PKD1L1: variants seen among roughly 807,000 people sequenced by gnomAD.
The protein encoded by PKD1L1 is polycystin 1 like 1, transient receptor potential channel interacting, also known as polycystin-1-like protein 1.
In PKD1L1, 236 loss-of-function variants were observed where a neutral mutation model predicts 323.4. That is an observed-to-expected ratio of 0.73 (90% CI 0.66 to 0.81). The LOEUF is 0.81. Ranked by LOEUF, PKD1L1 falls within the 40% of genes least tolerant of loss-of-function variation. PKD1L1 has a pLI of 0.00. For synonymous variants in PKD1L1, 1,344 were observed against 1,335.0 expected (o/e 1.01, Z -0.15); for missense variants, 3,320 against 3,508.0 (o/e 0.95, Z 1.35).
chr7:47,869,423 G>C (rs1786233288), intron 24 of PKD1L1, among the ~76,000 whole-genome samples: 1 of 152,120 alleles, frequency 6.6e-6, no homozygotes, highest in East Asian at 1.9e-4. Context: ...GATGGAAAGA[G>C]ACATGCAAAC....
chr7:47,918,657 G>A (rs1412338791), intron 7 of PKD1L1, among the ~76,000 whole-genome samples: 1 of 152,020 alleles, frequency 6.6e-6, no homozygotes, highest in African/African-American at 2.4e-5. Flanking sequence ...AATCAAAATT[G>A]TATCAAGCAC....
chr7:47,854,738 C>A (rs992717143), intron 30 of PKD1L1, 144 bp downstream of exon 30: 4 of 1,036,662 alleles, frequency 3.9e-6, no homozygotes, highest in Admixed American at 5.3e-5. Flanking sequence ...ATCCAAACAG[C>A]AGAATAGATA....
intron 25 of PKD1L1, 102 bp from the exon 26 acceptor site, chr7:47,865,374 G>T: frequency 9.7e-7 from 1 of 1,029,542 alleles, no homozygotes; most frequent in Non-Finnish European, 1.4e-6. Flanking sequence ...AAATAGTACA[G>T]ATTCCCTGCT....
In PKD1L1 at chr7:47,836,947, G is replaced by A. The variant is rs368272664; in HGVS notation, c.5917C>T (p.Leu1973=). ...LLCVYACLTA[L]VAAGGQEQPH... ...TGCTCTTGCCCTCCAGCAGCAACCA[G>A]GGCAGTGAGACACGCGTAGACGCAC... is the stretch of plus-strand genomic sequence containing the variant. Residue 1973 remains leucine, a synonymous_variant, in exon 37 of 57, where the codon CTG becomes TTG. Coordinates refer to ENST00000289672, the MANE Select transcript of PKD1L1 (RefSeq NM_138295.5). 13 of 1,613,974 alleles carry A rather than the reference G, an allele frequency of 8.1e-6. No individual in the cohort carries two copies. Among genetic ancestry groups the A allele is most frequent in the Non-Finnish European group, 1.0e-5 (12 of 1,180,020 alleles).
rs1245109838 is a variant in PKD1L1 at position 47,833,070 on chromosome 7, T to A, written c.6337+20A>T. The A allele has an allele frequency of 2.5e-6, 4 of 1,600,332 alleles. No individual in the cohort carries two copies. The highest frequency in any genetic ancestry group is 3.4e-6 in the Non-Finnish European group (4 of 1,173,136). On this transcript the variant is annotated intron_variant, in intron 41 of 56. Transcript: ENST00000289672. ...TGCTGGACTGGCAGGAAGGGGGCTG[T>A]GGTTGCAAGCCACAGTTACCTTGAG...
At chr7:47,775,558 A>G (rs546292092) in intron 56 of PKD1L1, among the ~76,000 whole-genome samples, 4 of 152,332 alleles carry the variant, frequency 2.6e-5, no homozygotes, top group Non-Finnish European at 4.4e-5. Context: ...ATAAATCAAA[A>G]GGGAAATTAG....
rs752714653 is a variant in PKD1L1 at position 47,815,403 on chromosome 7, C to A, written c.7020G>T (p.Trp2340Cys). 6.2e-7 allele frequency: 1 copy of A among 1,613,968 alleles called. No individual in the cohort carries two copies. Among genetic ancestry groups the A allele is most frequent in the African/African-American group, 1.3e-5 (1 of 74,932 alleles). The change falls in exon 47 of 57, where the codon TGG (tryptophan) becomes TGT (cysteine). Residue 2340 changes from tryptophan (W) to cysteine (C), a missense_variant. Physicochemically the swap from Trp to Cys is radical, Grantham distance 215 (BLOSUM62 -2). Transcript: ENST00000289672. The part of the protein sequence containing the change: ...GLRNIADWWD[W>C]SLTTLLDGLY... Reference sequence around the variant, plus strand: ...GGCCATCCAGAAGTGTGGTCAGACTCCAGTCCCACCAGTCAGCGATGTTTC... The same window carrying A: ...GGCCATCCAGAAGTGTGGTCAGACTACAGTCCCACCAGTCAGCGATGTTTC...
rs768320018 is a variant in PKD1L1 at position 47,948,394 on chromosome 7, C to T, written c.44+3G>A. ...AAACCCTCTGAGAACAGTGATAACT[C>T]ACCTTTCCTGGTCATCAGAAATGTT... On this transcript the variant is annotated splice_donor_region_variant and intron_variant, in intron 1 of 56. Coordinates refer to ENST00000289672, the MANE Select transcript of PKD1L1 (RefSeq NM_138295.5). 4.3e-6 allele frequency: 7 copies of T among 1,613,988 alleles called. No individual in the cohort carries two copies. In the East Asian group the frequency reaches 1.3e-4, roughly 31 times the overall value.
chr7:47,835,738 G>A lies in PKD1L1; in HGVS notation c.5944-495C>T, dbSNP rs529613080. Reference sequence around the variant, plus strand: ...AAATAATGCTTCATGTTCAATATTCGTTCTAAGAAAAAAATAGAACTATAT... The same window carrying A: ...AAATAATGCTTCATGTTCAATATTCATTCTAAGAAAAAAATAGAACTATAT... On this transcript the variant is annotated intron_variant, in intron 37 of 56. Coordinates refer to ENST00000289672, the MANE Select transcript of PKD1L1 (RefSeq NM_138295.5). Among the ~76,000 whole-genome samples, 5 of 151,834 alleles carry A rather than the reference G, an allele frequency of 3.3e-5. No homozygotes were observed. The East Asian group carries it at 7.7e-4, about 24-fold the overall frequency.
At chr7:47,805,086 TAC>T (rs59085691) in intron 52 of PKD1L1, among the ~76,000 whole-genome samples, 21,656 of 149,982 alleles carry the variant, frequency 0.14, 1,627 homozygotes, top group South Asian at 0.22. Flanking sequence ...CCTGTACAAA[TAC>T]ACACACACAC....
At chr7:47,904,299 G>A (rs913193863) in intron 12 of PKD1L1, 79 bp downstream of exon 12, 15 of 1,580,832 alleles carry the variant, frequency 9.5e-6, no homozygotes, top group Non-Finnish European at 8.6e-7. Context: ...TCTCTATGTG[G>A]AACCCAAGGG....
rs138113228 is a variant in PKD1L1 at position 47,840,882 on chromosome 7, A to T, written c.5446-315T>A. ...TTTCTCATGAGGGCGGGAGAACACCACGGTGGGCACACCATTTTCCTCCCT... is the reference window on the plus strand; with the variant it reads ...TTTCTCATGAGGGCGGGAGAACACCTCGGTGGGCACACCATTTTCCTCCCT... On this transcript the variant is annotated intron_variant, in intron 34 of 56. Coordinates refer to ENST00000289672, the MANE Select transcript of PKD1L1 (RefSeq NM_138295.5). The surrounding 1 kb of genome is among the most constrained non-coding windows in gnomAD (Gnocchi z 4.1). Among the ~76,000 whole-genome samples, 2 of 152,328 alleles carry T rather than the reference A, an allele frequency of 1.3e-5. No homozygotes were observed. Among genetic ancestry groups the T allele is most frequent in the Non-Finnish European group, 2.9e-5 (2 of 68,038 alleles).
intron 28 of PKD1L1, 26 bp from the exon 29 acceptor site, chr7:47,855,291 G>A: frequency 2.6e-6 from 4 of 1,548,892 alleles, no homozygotes; most frequent in Non-Finnish European, 3.6e-6. Flanking sequence ...CCATCTCAGA[G>A]CAAATGACAG....
At chr7:47,912,621 G>T (rs1787344107) in intron 8 of PKD1L1, among the ~76,000 whole-genome samples, 1 of 151,740 alleles carries the variant, frequency 6.6e-6, no homozygotes, top group Non-Finnish European at 1.5e-5. Flanking sequence ...TTTGAGCCTG[G>T]CCTGGCCTTC....
intron 32 of PKD1L1, 93 bp downstream of exon 32, chr7:47,846,786 G>T: frequency 8.6e-7 from 1 of 1,166,134 alleles, no homozygotes; most frequent in Non-Finnish European, 1.2e-6. Context: ...TTATGGACAA[G>T]GTTCAGGAAA....
the PKD1L1 span, among the ~76,000 whole-genome samples, chr7:47,959,804 G>A: frequency 2.0e-5 from 3 of 149,728 alleles, no homozygotes; most frequent in Admixed American, 6.6e-5. Flanking sequence ...GGGCGCCTCT[G>A]CCCGGCCGCC....
Position 47,881,924 on chromosome 7 carries a change from C to T in PKD1L1, c.3427G>A (p.Gly1143Ser). 6.2e-7 allele frequency: 1 copy of T among 1,600,524 alleles called. No individual in the cohort carries two copies. Among genetic ancestry groups the T allele is most frequent in the Non-Finnish European group, 8.5e-7 (1 of 1,175,782 alleles). ...KALLGRAVFQ[G>S]YSSSGITEQT... ...ACATTCATACCTGAGGATGAATAGC[C>T]TTGGAAAACTGCTCGACCCAGCAGG... is the stretch of plus-strand genomic sequence containing the variant. Residue 1143 changes from glycine (G) to serine (S), a missense_variant, in exon 20 of 57, where the codon GGC (glycine) becomes AGC (serine). By Grantham distance (56) the Gly-to-Ser change is moderately conservative. Transcript: ENST00000289672.
At chr7:47,845,141 T>G (rs1303969137) in intron 32 of PKD1L1, 63 bp from the exon 33 acceptor site, 2 of 1,329,414 alleles carry the variant, frequency 1.5e-6, no homozygotes, top group South Asian at 2.6e-5. Context: ...GACAGTGTAA[T>G]GGCATGTTGG....
At chr7:47,821,841 C>T (rs1027500078) in intron 45 of PKD1L1, among the ~76,000 whole-genome samples, 6 of 152,122 alleles carry the variant, frequency 3.9e-5, no homozygotes, top group African/African-American at 1.4e-4. Context: ...GCACCCACCA[C>T]CACGCCATGC....
Sources: gnomAD v4.1 joint callset for allele counts (sites outside exome capture counted in the v4.1 genomes callset) on GRCh38, gnomAD v4.1.1 for gene constraint, Gnocchi (gnomAD v3.1) non-coding constraint, MANE v1.5 for transcripts, NCBI Gene and HGNC (gene_info 2026-07-23, HGNC 2026-07-21) for gene names.